Variants in ANO3 observed in about 807,000 individuals in gnomAD.
The protein encoded by ANO3 is anoctamin 3.
ANO3 carries 99 observed loss-of-function variants against 144.8 expected under a neutral mutation model. That is an observed-to-expected ratio of 0.68 (90% CI 0.58 to 0.81). ANO3 has a LOEUF of 0.81. Ranked by LOEUF, ANO3 falls within the 30% of genes least tolerant of loss-of-function variation. ANO3 has a pLI of 0.00. For missense variants in ANO3, 905 were observed against 1,202.2 expected, an observed-to-expected ratio of 0.75 and a Z score of 3.66; for synonymous variants, 414 against 392.6, an observed-to-expected ratio of 1.05 and a Z score of -0.64.
chr11:26,437,300 C>T (rs1282190655), intron 1 of ANO3, among the ~76,000 whole-genome samples: 1 of 152,094 alleles, frequency 6.6e-6, no homozygotes, highest in East Asian at 1.9e-4. Flanking sequence ...GCTGCTCTGC[C>T]GAGACTCCAC....
At chr11:26,369,819 T>G (rs1200203389) in intron 1 of ANO3, among the ~76,000 whole-genome samples, 1 of 152,206 alleles carries the variant, frequency 6.6e-6, no homozygotes. Flanking sequence ...CCCAGTTTGG[T>G]GTAACACTGA....
At chr11:26,301,974 A>G (rs1212114829) in intron 1 of ANO3, among the ~76,000 whole-genome samples, 3 of 152,202 alleles carry the variant, frequency 2.0e-5, no homozygotes, top group Non-Finnish European at 4.4e-5. Flanking sequence ...AGTTATTAAT[A>G]TCCCAAATCG....
chr11:26,321,536 A>C (rs1854761233), intron 1 of ANO3, among the ~76,000 whole-genome samples: 1 of 151,944 alleles, frequency 6.6e-6, no homozygotes, highest in Admixed American at 6.6e-5. Flanking sequence ...ATTTTTTTCT[A>C]ATCTATTTTA....
At chr11:26,298,296 A>G (rs1020128590) in intron 1 of ANO3, among the ~76,000 whole-genome samples, 4 of 152,302 alleles carry the variant, frequency 2.6e-5, no homozygotes, top group Non-Finnish European at 4.4e-5. Context: ...ACCACATACC[A>G]GGTGATAGGA....
chr11:26,348,285 T>C (rs1216663705), intron 1 of ANO3, among the ~76,000 whole-genome samples: 1 of 152,210 alleles, frequency 6.6e-6, no homozygotes, highest in Non-Finnish European at 1.5e-5. Context: ...TGATACTTTT[T>C]GTCAAATAGA....
At chr11:26,213,328 A>G (rs1342602737) in intron 1 of ANO3, among the ~76,000 whole-genome samples, 1 of 152,104 alleles carries the variant, frequency 6.6e-6, no homozygotes, top group Admixed American at 6.5e-5. Context: ...ATAGGAAGAG[A>G]GGAAGTAAAA....
At chr11:26,279,085 A>G (rs1432259307) in intron 1 of ANO3, among the ~76,000 whole-genome samples, 1 of 152,164 alleles carries the variant, frequency 6.6e-6, no homozygotes, top group Non-Finnish European at 1.5e-5. Flanking sequence ...GGAGACTAGA[A>G]GCAAGAAAGA....
At chr11:26,219,661 C>T (rs11029397) in intron 1 of ANO3, among the ~76,000 whole-genome samples, 2,319 of 152,268 alleles carry the variant, frequency 0.015, 49 homozygotes, top group East Asian at 0.13. Context: ...TAACCACAAA[C>T]GTTCATAAGT....
chr11:26,610,308 A>ATTTTTT (rs34715952), intron 17 of ANO3, among the ~76,000 whole-genome samples: 1 of 130,308 alleles, frequency 7.7e-6, no homozygotes, highest in African/African-American at 2.8e-5. Context: ...GATGTTGAGC[A>ATTTTTT]TTTTTTTTTT....
chr11:26,372,891 C>T (rs151169985), intron 1 of ANO3, among the ~76,000 whole-genome samples: 1 of 151,966 alleles, frequency 6.6e-6, no homozygotes, highest in East Asian at 1.9e-4. Context: ...TCAGATTTTT[C>T]AAACATGTTG....
rs71449132 is a variant in ANO3 at position 26,644,815 on chromosome 11, TCACACACA to T, written c.2428+1508_2428+1515del. On this transcript the variant is annotated intron_variant, in intron 23 of 26. Coordinates refer to ENST00000256737, the MANE Select transcript of ANO3 (RefSeq NM_031418.4). ...GCCCTATATTTATTGGGAATACTAA[TCACACACA>T]CACACACACACACACACACACACAC... Among the ~76,000 whole-genome samples the T allele has an allele frequency of 1.8e-3, 265 of 145,282 alleles. 1 individual carries two copies. The highest frequency in any genetic ancestry group is 5.3e-3 in the African/African-American group (209 of 39,390).
intron 1 of ANO3, among the ~76,000 whole-genome samples, chr11:26,391,872 C>T (rs1264378922): frequency 6.6e-6 from 1 of 152,106 alleles, no homozygotes; most frequent in Non-Finnish European, 1.5e-5. Context: ...GATTCTAATA[C>T]AGAAATATTT....
intron 4 of ANO3, among the ~76,000 whole-genome samples, chr11:26,478,150 G>C (rs568899469): frequency 1.3e-5 from 2 of 152,226 alleles, no homozygotes; most frequent in South Asian, 4.1e-4. Flanking sequence ...TATATTGAGA[G>C]TAACGAGATC....
chr11:26,622,640 AT>A (rs1436061486), intron 17 of ANO3, among the ~76,000 whole-genome samples: 2 of 152,156 alleles, frequency 1.3e-5, no homozygotes, highest in Non-Finnish European at 2.9e-5. Context: ...GAAATGGTTT[AT>A]GTGACAAGGC....
intron 23 of ANO3, among the ~76,000 whole-genome samples, chr11:26,645,756 T>A (rs1410338951): frequency 1.3e-5 from 2 of 151,846 alleles, no homozygotes; most frequent in Admixed American, 1.3e-4. Context: ...GCATGCTGGG[T>A]TTAATACTTA....
At chr11:26,236,321 C>A (rs1338831557) in intron 1 of ANO3, among the ~76,000 whole-genome samples, 1 of 152,044 alleles carries the variant, frequency 6.6e-6, no homozygotes, top group Admixed American at 6.5e-5. Flanking sequence ...CTGGCTATTG[C>A]CAAATTTCTC....
intron 1 of ANO3, among the ~76,000 whole-genome samples, chr11:26,241,538 T>C (rs9332433): frequency 0.35 from 53,482 of 151,970 alleles, 9,679 homozygotes; most frequent in African/African-American, 0.36. Flanking sequence ...GCTTTTCCCA[T>C]GTATGATCTG....
intron 14 of ANO3, among the ~76,000 whole-genome samples, chr11:26,595,473 T>TGG (rs1405346251): frequency 6.9e-6 from 1 of 145,448 alleles, no homozygotes. Context: ...TTTTTTTTTT[T>TGG]TTTTTTTTTT....
chr11:26,596,056 G>T (rs918819674), intron 14 of ANO3, among the ~76,000 whole-genome samples: 3 of 152,198 alleles, frequency 2.0e-5, no homozygotes, highest in Non-Finnish European at 4.4e-5. Flanking sequence ...TGACAACAAG[G>T]TAATATTGGA....
Sources: gnomAD v4.1 joint callset for allele counts (sites outside exome capture counted in the v4.1 genomes callset) on GRCh38, gnomAD v4.1.1 for gene constraint, MANE v1.5 for transcripts, NCBI Gene and HGNC (gene_info 2026-07-23, HGNC 2026-07-21) for gene names.